The following NEBL variants were observed in gnomAD, a reference collection of about 807,000 sequenced individuals.
The protein encoded by NEBL is LIM and SH3 protein 2.
NEBL carries 122 observed loss-of-function variants against 140.2 expected under a neutral mutation model. The ratio of observed to expected loss-of-function variants is 0.87; its 90% CI spans 0.75 to 1.01. The LOEUF (loss-of-function observed/expected upper bound fraction) is 1.01. Ranked by LOEUF, NEBL falls within the 50% of genes least tolerant of loss-of-function variation. The probability of loss-of-function intolerance (pLI) is 0.00; values close to 1 mark genes in which losing one functional copy is unlikely to be tolerated. For missense variants in NEBL, 1,365 were observed against 1,231.3 expected, an observed-to-expected ratio of 1.11 and a Z score of -1.62; for synonymous variants, 436 against 398.9, an observed-to-expected ratio of 1.09 and a Z score of -1.11.
At chr10:20,839,946 A>G (rs1348728343) in intron 13 of NEBL, among the ~76,000 whole-genome samples, 1 of 152,148 alleles carries the variant, frequency 6.6e-6, no homozygotes, top group Non-Finnish European at 1.5e-5. Flanking sequence ...GAACCAAGAG[A>G]TGGAGGAAGA....
chr10:21,094,400 G>C (rs1837073126), intron 2 of NEBL, among the ~76,000 whole-genome samples: 2 of 151,662 alleles, frequency 1.3e-5, no homozygotes, highest in African/African-American at 4.8e-5. Flanking sequence ...TACTTGGGAG[G>C]CTGAGGCAGG....
intron 3 of NEBL, among the ~76,000 whole-genome samples, chr10:21,181,782 T>A (rs1841392128): frequency 6.6e-6 from 1 of 152,234 alleles, no homozygotes; most frequent in Non-Finnish European, 1.5e-5. Context: ...TGGGCCCTCC[T>A]GCTTCTCTTG....
At chr10:20,787,637 G>C (rs1311583751) in intron 26 of NEBL, among the ~76,000 whole-genome samples, 1 of 152,090 alleles carries the variant, frequency 6.6e-6, no homozygotes, top group East Asian at 1.9e-4. Flanking sequence ...TCGACCATGT[G>C]ATCCTTTTTG....
At chr10:21,244,646 C>G (rs976000774) in intron 3 of NEBL, among the ~76,000 whole-genome samples, 1 of 151,128 alleles carries the variant, frequency 6.6e-6, no homozygotes, top group South Asian at 2.1e-4. Context: ...GAGCAAGACT[C>G]TGTCTCAAAA....
chr10:20,936,685 A>T (rs1380225815), intron 4 of NEBL, among the ~76,000 whole-genome samples: 1 of 152,306 alleles, frequency 6.6e-6, no homozygotes, highest in East Asian at 1.9e-4. Context: ...AATCTAAATA[A>T]ATAATGCAGT....
chr10:21,182,981 G>A (rs867550198), intron 3 of NEBL, among the ~76,000 whole-genome samples: 19 of 152,124 alleles, frequency 1.2e-4, no homozygotes, highest in African/African-American at 4.6e-4. Context: ...TGGCCCATTG[G>A]ACAGCATAAT....
chr10:21,105,111 A>G (rs1348367215), intron 2 of NEBL, among the ~76,000 whole-genome samples: 1 of 152,114 alleles, frequency 6.6e-6, no homozygotes, highest in African/African-American at 2.4e-5. Flanking sequence ...ATATTGTTGA[A>G]TTTTATTGGC....
At chr10:20,806,020 TA>T (rs1837586433) in intron 26 of NEBL, among the ~76,000 whole-genome samples, 1 of 152,200 alleles carries the variant, frequency 6.6e-6, no homozygotes, top group Non-Finnish European at 1.5e-5. Context: ...AATTCTAGTA[TA>T]AATGCAAGAA....
chr10:20,805,857 A>G (rs986930285), intron 26 of NEBL, among the ~76,000 whole-genome samples: 6 of 152,160 alleles, frequency 3.9e-5, no homozygotes, highest in Non-Finnish European at 8.8e-5. Flanking sequence ...CGTCTCAAAA[A>G]AAAAAAAAAG....
At chr10:20,906,066 T>G (rs1227601459) in intron 4 of NEBL, among the ~76,000 whole-genome samples, 1 of 152,226 alleles carries the variant, frequency 6.6e-6, no homozygotes, top group Non-Finnish European at 1.5e-5. Context: ...TGAAAATTCT[T>G]AGTGAAGAAA....
chr10:21,281,457 C>G (rs1253537643), intron 1 of NEBL, among the ~76,000 whole-genome samples: 1 of 151,032 alleles, frequency 6.6e-6, no homozygotes, highest in East Asian at 2.0e-4. Context: ...CCACCACTCT[C>G]TGCTGCTTGT....
At position 21,052,962 on chromosome 10, in the gene NEBL, A is replaced by G. The variant is rs184390801; in HGVS notation, c.165-32761T>C. The stretch of plus-strand genomic sequence containing the variant: ...GGTTTGACAGCACAGTAGGGTGACT[A>G]TAGTCACAACAATATATTGTCTATT... On this transcript the variant is annotated intron_variant, in intron 2 of 6. Transcript: ENST00000417816. Among the ~76,000 whole-genome samples, 15 of 152,318 alleles carry G rather than the reference A, an allele frequency of 9.8e-5. 1 individual carries two copies. The highest frequency in any genetic ancestry group is 3.4e-4 in the African/African-American group (14 of 41,574).
chr10:21,036,895 A>C (rs1364566362), intron 2 of NEBL, among the ~76,000 whole-genome samples: 5 of 152,126 alleles, frequency 3.3e-5, no homozygotes, highest in African/African-American at 1.2e-4. Flanking sequence ...CAAGCGTAGA[A>C]TATTCTAAAG....
At chr10:21,220,244 A>G (rs1055819536) in intron 3 of NEBL, among the ~76,000 whole-genome samples, 4 of 152,166 alleles carry the variant, frequency 2.6e-5, no homozygotes, top group African/African-American at 7.2e-5. Flanking sequence ...GTATCCTGCA[A>G]CTTTACTGAA....
chr10:21,288,131 A>G (rs1237290750), intron 1 of NEBL, among the ~76,000 whole-genome samples: 1 of 152,206 alleles, frequency 6.6e-6, no homozygotes, highest in Non-Finnish European at 1.5e-5. Context: ...GGTAATCATT[A>G]TGACACCAGT....
chr10:21,147,056 G>A (rs1303520354), intron 2 of NEBL, among the ~76,000 whole-genome samples: 1 of 152,112 alleles, frequency 6.6e-6, no homozygotes, highest in Non-Finnish European at 1.5e-5. Context: ...CAAGTCAGAA[G>A]CAAAAACCAA....
intron 11 of NEBL, among the ~76,000 whole-genome samples, chr10:20,848,396 T>G (rs573290613): frequency 1.3e-5 from 2 of 152,320 alleles, no homozygotes; most frequent in East Asian, 3.9e-4. Flanking sequence ...TTAATCAAAA[T>G]GGTTACTTCA....
intron 2 of NEBL, among the ~76,000 whole-genome samples, chr10:21,122,250 T>C (rs1012059591): frequency 2.0e-5 from 3 of 152,176 alleles, no homozygotes; most frequent in Admixed American, 6.5e-5. Flanking sequence ...GGTCTCAAAC[T>C]CCTGACTTCA....
rs1459892021 is a variant in NEBL at position 20,975,439 on chromosome 10, G to A, written c.250-13660C>T. 2.6e-5 allele frequency among the ~76,000 whole-genome samples: 4 copies of A among 152,058 alleles called. No homozygotes were observed. In the South Asian group the frequency reaches 6.2e-4, roughly 24 times the overall value. Reference sequence around the variant, plus strand: ...TAAGTTGGCATTGCCAATGAGCCAGGTGGTTCCACTATGTGGAAACCATCT... The same window carrying A: ...TAAGTTGGCATTGCCAATGAGCCAGATGGTTCCACTATGTGGAAACCATCT... On this transcript the variant is annotated intron_variant, in intron 3 of 6. Transcript: ENST00000417816.
Sources: gnomAD v4.1 joint callset for allele counts (sites outside exome capture counted in the v4.1 genomes callset) on GRCh38, gnomAD v4.1.1 for gene constraint, MANE v1.5 for transcripts, NCBI Gene and HGNC (gene_info 2026-07-23, HGNC 2026-07-21) for gene names.